Variants in ADAMTS12 observed in about 807,000 individuals in gnomAD.
ADAMTS12 encodes ADAM metallopeptidase with thrombospondin type 1 motif 12, also known as A disintegrin and metalloproteinase with thrombospondin motifs 12.
In ADAMTS12, 118 loss-of-function variants were observed where a neutral mutation model predicts 167.8. The ratio of observed to expected loss-of-function variants is 0.70; its 90% CI spans 0.61 to 0.82. The LOEUF is 0.82. Ranked by LOEUF, ADAMTS12 falls within the 40% of genes least tolerant of loss-of-function variation. The pLI is 0.00. For missense variants in ADAMTS12, 1,916 were observed against 1,998.8 expected (o/e 0.96, Z 0.79); for synonymous variants, 704 against 716.9 (o/e 0.98, Z 0.29).
At position 33,643,371 on chromosome 5, in the gene ADAMTS12, G is replaced by A. The variant is rs73758932; in HGVS notation, c.1572+7C>T. 1.8e-4 allele frequency: 298 copies of A among 1,613,864 alleles called. No homozygotes were observed. In the African/African-American group the frequency reaches 3.7e-3, roughly 20 times the overall value. ...CTCCCACCTCATTCCTCGGCCTGAC[G>A]CATCACCTTCTTCTCACCACATTGA... On this transcript the variant is annotated splice_region_variant and intron_variant, in intron 10 of 23. Coordinates refer to ENST00000504830, the MANE Select transcript of ADAMTS12 (RefSeq NM_030955.4).
At chr5:33,694,604 C>T (rs4866366) in intron 3 of ADAMTS12, among the ~76,000 whole-genome samples, 64,882 of 151,842 alleles carry the variant, frequency 0.43, 14,151 homozygotes, top group East Asian at 0.74. Flanking sequence ...AAAGACTGAA[C>T]GCAGAGAGCC....
chr5:33,852,334 T>C (rs1039696821), intron 2 of ADAMTS12, among the ~76,000 whole-genome samples: 3 of 152,216 alleles, frequency 2.0e-5, no homozygotes, highest in Non-Finnish European at 2.9e-5. Flanking sequence ...GGAAGAAAGA[T>C]AGTAGTATCT....
intron 22 of ADAMTS12, among the ~76,000 whole-genome samples, chr5:33,537,603 G>A (rs1050818799): frequency 2.0e-5 from 3 of 152,210 alleles, no homozygotes; most frequent in Non-Finnish European, 4.4e-5. Context: ...TGCTGAAATT[G>A]TATCCTTCGG....
At chr5:33,684,169 G>A (rs555090666) in intron 3 of ADAMTS12, 114 bp from the exon 4 acceptor site, 17 of 826,584 alleles carry the variant, frequency 2.1e-5, no homozygotes, top group South Asian at 1.1e-4. Context: ...TAATATAAAC[G>A]CAATGTTTTT....
chr5:33,667,636 C>T (rs1201882813), intron 5 of ADAMTS12, among the ~76,000 whole-genome samples: 10 of 152,138 alleles, frequency 6.6e-5, no homozygotes, highest in Non-Finnish European at 1.2e-4. Context: ...GGTTCTAAAA[C>T]ACCTTATGAA....
chr5:33,607,788 C>T (rs1579739350), intron 16 of ADAMTS12, among the ~76,000 whole-genome samples: 1 of 152,140 alleles, frequency 6.6e-6, no homozygotes, highest in African/African-American at 2.4e-5. Context: ...TATCAATCCT[C>T]ACATAAGTAA....
intron 2 of ADAMTS12, among the ~76,000 whole-genome samples, chr5:33,783,899 A>C (rs1171417700): frequency 2.0e-5 from 3 of 151,916 alleles, no homozygotes; most frequent in East Asian, 1.9e-4. Context: ...AAAGACACTA[A>C]GAAGATACCA....
chr5:33,698,795 A>G (rs2112292800), intron 3 of ADAMTS12, among the ~76,000 whole-genome samples: 1 of 152,292 alleles, frequency 6.6e-6, no homozygotes, highest in Admixed American at 6.5e-5. Context: ...AAAATTAGCC[A>G]GGTGTGGTGG....
intron 17 of ADAMTS12, among the ~76,000 whole-genome samples, chr5:33,590,699 G>A (rs910238736): frequency 3.9e-5 from 6 of 152,010 alleles, no homozygotes; most frequent in African/African-American, 7.3e-5. Context: ...GGCTAGTCTC[G>A]AACTCCTGCG....
chr5:33,645,148 TTATTATTATTATTA>T (rs1005959162), intron 9 of ADAMTS12, among the ~76,000 whole-genome samples: 1 of 7,970 alleles, frequency 1.3e-4, no homozygotes, highest in African/African-American at 1.8e-4. Context: ...GCTTTATTTA[TTATTATTATTATTA>T]TTATTATTAT....
intron 2 of ADAMTS12, among the ~76,000 whole-genome samples, chr5:33,799,795 G>T (rs1161883806): frequency 6.6e-6 from 1 of 152,220 alleles, no homozygotes; most frequent in Non-Finnish European, 1.5e-5. Flanking sequence ...TCCAATCAAA[G>T]GCACAGGAAG....
Position 33,856,293 on chromosome 5 carries a change from A to T in ADAMTS12, c.489+24826T>A, listed in dbSNP as rs149514078. 1.5e-3 allele frequency among the ~76,000 whole-genome samples: 224 copies of T among 152,324 alleles called. 2 individuals are homozygous for T. The highest frequency in any genetic ancestry group is 5.2e-3 in the African/African-American group (215 of 41,574). Reference sequence around the variant, plus strand: ...AGACTAAATAACTCAGGCTTTGGAAAACATGCTGGTGATGGACTATTGTGT... The same window carrying T: ...AGACTAAATAACTCAGGCTTTGGAATACATGCTGGTGATGGACTATTGTGT... On this transcript the variant is annotated intron_variant, in intron 2 of 23. Transcript: ENST00000504830.
At chr5:33,568,378 T>A (rs1008905422) in intron 19 of ADAMTS12, among the ~76,000 whole-genome samples, 2 of 152,294 alleles carry the variant, frequency 1.3e-5, no homozygotes, top group South Asian at 4.1e-4. Context: ...TGGTTTGAAT[T>A]TACCTATTTA....
intron 5 of ADAMTS12, 39 bp downstream of exon 5, chr5:33,682,979 G>A (rs749715591): frequency 1.2e-5 from 19 of 1,558,928 alleles, no homozygotes; most frequent in African/African-American, 9.5e-5. Flanking sequence ...TAGGAAGTGC[G>A]AGGACATATA....
At chr5:33,634,365 C>T (rs1468748362) in intron 12 of ADAMTS12, among the ~76,000 whole-genome samples, 4 of 151,982 alleles carry the variant, frequency 2.6e-5, no homozygotes, top group Admixed American at 6.6e-5. Context: ...AACTTGTGTT[C>T]GGTAAGGGAA....
rs1178775252 is a variant in ADAMTS12 at position 33,849,055 on chromosome 5, AAT to A, written c.489+32062_489+32063del. 1.3e-3 allele frequency among the ~76,000 whole-genome samples: 143 copies of A among 112,036 alleles called. 7 individuals carry two copies. Among genetic ancestry groups the A allele is most frequent in the East Asian group, 5.1e-3 (18 of 3,532 alleles). The allele number at this position is 112,036 out of a possible 152,430, so 73.5% of individuals were successfully genotyped here. ...AATATATATATATGTATTGCATAGC[AAT>A]ATATATATATGTATTGCATAGCAAT... On this transcript the variant is annotated intron_variant, in intron 2 of 23. Transcript: ENST00000504830.
At chr5:33,745,076 C>G (rs1744732480) in intron 3 of ADAMTS12, among the ~76,000 whole-genome samples, 2 of 152,178 alleles carry the variant, frequency 1.3e-5, no homozygotes, top group Non-Finnish European at 2.9e-5. Context: ...CATAGGCCTA[C>G]CATAGCACTG....
chr5:33,734,044 CAG>C (rs1744284696), intron 3 of ADAMTS12, among the ~76,000 whole-genome samples: 1 of 137,636 alleles, frequency 7.3e-6, no homozygotes, highest in South Asian at 2.3e-4. Context: ...CACACACACA[CAG>C]AGTAAGCTCT....
At chr5:33,528,567 A>G (rs1743932929) in intron 23 of ADAMTS12, among the ~76,000 whole-genome samples, 1 of 152,222 alleles carries the variant, frequency 6.6e-6, no homozygotes, top group Admixed American at 6.5e-5. Flanking sequence ...CTACTAGCAG[A>G]CAAGTATTTT....
Sources: allele counts gnomAD v4.1 joint callset (sites outside exome capture counted in the v4.1 genomes callset), GRCh38; gene constraint gnomAD v4.1.1; transcripts MANE v1.5; gene names NCBI Gene and HGNC (gene_info 2026-07-23, HGNC 2026-07-21).